Variants in CNOT1 observed in about 807,000 individuals in gnomAD.
The protein encoded by CNOT1 is CCR4-NOT transcription complex subunit 1.
In CNOT1, 15 loss-of-function variants were observed where a neutral mutation model predicts 273.8. The ratio of observed to expected loss-of-function variants is 0.05; its 90% CI spans 0.04 to 0.08. CNOT1 has a LOEUF of 0.08. Ranked by LOEUF, CNOT1 falls within the 10% of genes least tolerant of loss-of-function variation. CNOT1 has a pLI of 1.00. For synonymous variants in CNOT1, 1,022 were observed against 1,005.5 expected (o/e 1.02, Z -0.31); for missense variants, 1,644 against 2,912.2 (o/e 0.56, Z 10.02).
intron 16 of CNOT1, among the ~76,000 whole-genome samples, chr16:58,562,955 G>A (rs2040912504): frequency 6.6e-6 from 1 of 152,090 alleles, no homozygotes; most frequent in African/African-American, 2.4e-5. Context: ...TTCACATTTG[G>A]GGGGAAAAAA....
Position 58,538,887 on chromosome 16 carries a change from T to C in CNOT1, c.5020A>G (p.Ser1674Gly). The change falls in exon 36 of 49, where the codon AGT (serine) becomes GGT (glycine). Residue 1674 changes from serine (S) to glycine (G), a missense_variant. Physicochemically the swap from Ser to Gly is moderately conservative, Grantham distance 56 (BLOSUM62 0). Around this residue, in one of 13 missense-constraint regions of CNOT1, gnomAD observed 170 missense variants for 273.1 expected, o/e 0.62. Coordinates refer to ENST00000317147, the MANE Select transcript of CNOT1 (RefSeq NM_016284.5). The part of the protein sequence containing the change: ...KAVEGLLDAT[S>G]GADADLLLRY... ...AGCAGAAGGTCAGCATCAGCACCAC[T>C]TGTGGCATCTAGTAAGCCCTCTACA... The C allele has an allele frequency of 6.2e-7, 1 of 1,609,432 alleles. No homozygotes were observed. Among genetic ancestry groups the C allele is most frequent in the South Asian group, 1.1e-5 (1 of 90,718 alleles).
intron 39 of CNOT1, among the ~76,000 whole-genome samples, chr16:58,536,553 G>A (rs754431698): frequency 2.6e-5 from 4 of 152,100 alleles, no homozygotes; most frequent in South Asian, 2.1e-4. Flanking sequence ...ATGTCACTAC[G>A]TTTAGGTAGA....
rs1223063517 is a variant in CNOT1 at position 58,589,241 on chromosome 16, A to AGGAAACACCCTGTGTTTCCT, written c.103-336_103-335insAGGAAACACAGGGTGTTTCC. ...TAAAAATGTTTCCTGGGCCGGGTGC[A>AGGAAACACCCTGTGTTTCCT]GTGGCTCACGCCTGTAATCCCAGCA... is the stretch of plus-strand genomic sequence containing the variant. On this transcript the variant is annotated intron_variant, in intron 2 of 48. Transcript: ENST00000317147. 2.6e-5 allele frequency among the ~76,000 whole-genome samples: 4 copies of AGGAAACACCCTGTGTTTCCT among 152,274 alleles called. No individual in the cohort carries two copies. In the East Asian group the frequency reaches 7.7e-4, roughly 29 times the overall value.
intron 20 of CNOT1, 63 bp downstream of exon 20, chr16:58,555,721 G>C (rs2040608757): frequency 1.9e-6 from 3 of 1,598,404 alleles, no homozygotes; most frequent in Non-Finnish European, 2.6e-6. Flanking sequence ...TAAAAACATT[G>C]AAAAGGACAT....
At position 58,575,583 on chromosome 16, in the gene CNOT1, A is replaced by G. The variant is rs146055049; in HGVS notation, c.1705-454T>C. On this transcript the variant is annotated intron_variant, in intron 14 of 48. Transcript: ENST00000317147. The stretch of plus-strand genomic sequence containing the variant: ...GGAGGCCAAGGTGGGTGGATCACCT[A>G]AAGTCAGGAGTTCAAGACCAGCCTG... 4.2e-3 allele frequency among the ~76,000 whole-genome samples: 632 copies of G among 152,188 alleles called. 5 individuals carry two copies. The highest frequency in any genetic ancestry group is 0.014 in the African/African-American group (591 of 41,524).
chr16:58,552,848 G>C (rs2040500072), intron 22 of CNOT1, among the ~76,000 whole-genome samples: 2 of 152,160 alleles, frequency 1.3e-5, no homozygotes, highest in South Asian at 4.1e-4. Flanking sequence ...TATAGATAAT[G>C]CTTACCAATT....
intron 42 of CNOT1, 134 bp downstream of exon 42, chr16:58,531,824 T>C (rs2039787054): frequency 9.2e-7 from 1 of 1,090,848 alleles, no homozygotes. Context: ...GAGTGAACAC[T>C]AAATAGCATT....
intron 12 of CNOT1, among the ~76,000 whole-genome samples, chr16:58,579,631 T>C (rs968858840): frequency 2.0e-5 from 3 of 152,048 alleles, no homozygotes; most frequent in African/African-American, 4.8e-5. Flanking sequence ...AATTATTTGA[T>C]CAATAACAGA....
At chr16:58,532,582 T>G in intron 40 of CNOT1, 187 bp from the exon 41 acceptor site, 1 of 1,015,670 alleles carries the variant, frequency 9.8e-7, no homozygotes, top group Non-Finnish European at 1.4e-6. Flanking sequence ...CCTTCAGTGT[T>G]TTGTGTGTTT....
intron 18 of CNOT1, among the ~76,000 whole-genome samples, chr16:58,557,510 G>A (rs1451571846): frequency 1.3e-5 from 2 of 152,120 alleles, no homozygotes; most frequent in South Asian, 2.1e-4. Flanking sequence ...CAGTAGCAAC[G>A]CTAACTAGAT....
chr16:58,572,603 A>C (rs7206744), intron 16 of CNOT1, among the ~76,000 whole-genome samples: 55,045 of 151,758 alleles, frequency 0.36, 11,002 homozygotes, highest in Non-Finnish European at 0.46. Context: ...TGACATACAC[A>C]CACACACAAA....
At chr16:58,531,091 C>T (rs974907275) in intron 42 of CNOT1, among the ~76,000 whole-genome samples, 3 of 152,320 alleles carry the variant, frequency 2.0e-5, no homozygotes, top group South Asian at 2.1e-4. Flanking sequence ...GTTCAGTCCA[C>T]GACATGAATT....
At chr16:58,525,464 A>G in intron 45 of CNOT1, 105 bp from the exon 46 acceptor site, 2 of 877,816 alleles carry the variant, frequency 2.3e-6, no homozygotes, top group Non-Finnish European at 3.5e-6. Context: ...AAGGCCAAAC[A>G]TTTATTGTGA....
chr16:58,537,405 A>G lies in CNOT1; in HGVS notation c.5415-185T>C, dbSNP rs37065. Among the ~76,000 whole-genome samples, 97,873 of 152,058 alleles carry G rather than the reference A, an allele frequency of 0.64. 32,659 individuals are homozygous for G. Among genetic ancestry groups the G allele is most frequent in the East Asian group, 0.97 (5,005 of 5,174 alleles). ...CCGCTTGCTCATGAGCATACAACAC[A>G]CAAACAACTGCCCTCAGTTAAGCTA... On this transcript the variant is annotated intron_variant, in intron 38 of 48. Coordinates refer to ENST00000317147, the MANE Select transcript of CNOT1 (RefSeq NM_016284.5).
chr16:58,601,666 A>G (rs1454322703), intron 1 of CNOT1, among the ~76,000 whole-genome samples: 1 of 150,232 alleles, frequency 6.7e-6, no homozygotes, highest in South Asian at 2.1e-4. Context: ...TTCTTAATGT[A>G]TAAAGGATAC....
Position 58,555,319 on chromosome 16 carries a change from G to T in CNOT1, c.2823C>A (p.Ala941=). ...TTTTGGATCCAAAAGGCTTGCGTAAGGCTTCAAGAACATATCGTAGAGCCA... is the reference window on the plus strand; with the variant it reads ...TTTTGGATCCAAAAGGCTTGCGTAATGCTTCAAGAACATATCGTAGAGCCA... ...LGLALRYVLE[A]LRKPFGSKMY... is the part of the protein sequence containing the mutation. Residue 941 remains alanine (A), a synonymous_variant, in exon 21 of 49, where the codon GCC becomes GCA. Transcript: ENST00000317147. The T allele has an allele frequency of 6.2e-7, 1 of 1,614,174 alleles. No individual in the cohort carries two copies. The highest frequency in any genetic ancestry group is 8.5e-7 in the Non-Finnish European group (1 of 1,180,032).
Position 58,550,007 on chromosome 16 carries a change from G to T in CNOT1, c.3343-109C>A, listed in dbSNP as rs2040399399. On this transcript the variant is annotated intron_variant, in intron 24 of 48. Transcript: ENST00000317147. The stretch of plus-strand genomic sequence containing the variant: ...ACATGGCTCCTTGCAAAACTAACTA[G>T]ATGCTAAAGAATGACTTTCCTTCAC... 2.0e-6 allele frequency: 3 copies of T among 1,490,220 alleles called. No homozygotes were observed. In the African/African-American group the frequency reaches 4.3e-5, roughly 21 times the overall value. The allele number at this position is 1,490,220 out of a possible 1,614,324, so 92.3% of individuals were successfully genotyped here.
At position 58,539,970 on chromosome 16, in the gene CNOT1, G is replaced by A. The variant is rs775606763; in HGVS notation, c.4801-11C>T. On this transcript the variant is annotated splice_polypyrimidine_tract_variant and intron_variant, in intron 34 of 48. Transcript: ENST00000317147. ...TGTTGCCCAAGCTTGCTGTTTTACA[G>A]AAGGAAACAACCAACAAGAGACAAA... The A allele has an allele frequency of 6.3e-7, 1 of 1,595,926 alleles. No homozygotes were observed. Among genetic ancestry groups the A allele is most frequent in the Non-Finnish European group, 8.5e-7 (1 of 1,169,608 alleles).
At chr16:58,596,229 T>C (rs375339386) in intron 2 of CNOT1, among the ~76,000 whole-genome samples, 1 of 151,672 alleles carries the variant, frequency 6.6e-6, no homozygotes, top group East Asian at 1.9e-4. Context: ...CTACAGAGCA[T>C]GGTGTCAGGG....
Sources: allele counts gnomAD v4.1 joint callset (sites outside exome capture counted in the v4.1 genomes callset), GRCh38; gene constraint gnomAD v4.1.1; regional missense constraint gnomAD v4.1.1; transcripts MANE v1.5; gene names NCBI Gene and HGNC (gene_info 2026-07-23, HGNC 2026-07-21).